ZFHX3: variants seen among roughly 807,000 people sequenced by gnomAD.
The protein encoded by ZFHX3 is zinc finger homeobox 3.
In ZFHX3, 42 loss-of-function variants were observed where a neutral mutation model predicts 279.1. That is an observed-to-expected ratio of 0.15 (90% CI 0.12 to 0.19). The LOEUF (loss-of-function observed/expected upper bound fraction) is 0.19, where lower values mean the gene tolerates loss of function less well. ZFHX3 is among the 10% of genes least tolerant of loss of function. The pLI is 1.00. For synonymous variants in ZFHX3, 2,293 were observed against 1,957.8 expected (o/e 1.17, Z -4.52); for missense variants, 4,981 against 4,754.0 (o/e 1.05, Z -1.40).
rs148941946 is a variant in ZFHX3, at chr16:73,472,690, A to G, written c.-1546-16432T>C. ...TGCTTGTCTTCAGCTGGGTTTGGCC[A>G]ATGGGAAGGCCCAGAAGGAGGTCAG... On this transcript the variant is annotated intron_variant, in intron 2 of 17. Coordinates refer to the ZFHX3 transcript ENST00000641206. 2.0e-4 allele frequency among the ~76,000 whole-genome samples: 31 copies of G among 152,288 alleles called. No individual in the cohort carries two copies. In the East Asian group the frequency reaches 5.8e-3, roughly 28 times the overall value.
At chr16:73,782,826 T>A (rs147718455) in intron 1 of ZFHX3, among the ~76,000 whole-genome samples, 2,366 of 151,920 alleles carry the variant, frequency 0.016, 48 homozygotes, top group African/African-American at 0.054. Context: ...CAGACCCTTA[T>A]CCAACACTGA....
chr16:73,444,341 A>G (rs928020289), intron 3 of ZFHX3, among the ~76,000 whole-genome samples: 5 of 152,184 alleles, frequency 3.3e-5, no homozygotes, highest in Admixed American at 6.5e-5. Flanking sequence ...ACTGTGCAAA[A>G]CAGCTGATCA....
At chr16:73,526,559 G>T (rs772476002) in intron 2 of ZFHX3, among the ~76,000 whole-genome samples, 19 of 152,190 alleles carry the variant, frequency 1.2e-4, no homozygotes, top group African/African-American at 4.6e-4. Context: ...CTGGCCTCCA[G>T]TTTTGACACT....
rs55806545 is a variant in ZFHX3, at chr16:73,807,620, ATTTTTTTTTTTTTTT to A, written c.-1608+84016_-1608+84030del. On this transcript the variant is annotated intron_variant, in intron 1 of 17. Transcript: ENST00000641206. The stretch of plus-strand genomic sequence containing the variant: ...TACAGGCACATTCCACCATGCCCCA[ATTTTTTTTTTTTTTT>A]TTTTTTTTTTTTTTTGGTAGAGGCA... Among the ~76,000 whole-genome samples, 4 of 70,582 alleles carry A rather than the reference ATTTTTTTTTTTTTTT, an allele frequency of 5.7e-5. No individual in the cohort carries two copies. In the East Asian group the frequency reaches 1.5e-3, roughly 26 times the overall value. 46.3% of individuals were successfully genotyped at this position (70,582 alleles called of 152,430 possible). A position where few individuals can be genotyped will look rare whatever the true frequency, so the allele number is the denominator to read the frequency against.
At chr16:73,010,038 A>AAAAAAAAAAC (rs1344304633) in intron 1 of ZFHX3, among the ~76,000 whole-genome samples, 15 of 151,236 alleles carry the variant, frequency 9.9e-5, no homozygotes, top group South Asian at 2.1e-4. Context: ...AAAAAAAAAA[A>AAAAAAAAAAC]AAAAACTCAT....
chr16:72,930,860 T>C (rs1462656749), intron 3 of ZFHX3, among the ~76,000 whole-genome samples: 1 of 152,196 alleles, frequency 6.6e-6, no homozygotes, highest in African/African-American at 2.4e-5. Flanking sequence ...TAAAATGTGG[T>C]ACAAGGTGCC....
At position 73,851,706 on chromosome 16, in the gene ZFHX3, C is replaced by T. The variant is rs572226702; in HGVS notation, c.-1608+39945G>A. On this transcript the variant is annotated intron_variant, in intron 1 of 17. Coordinates refer to the ZFHX3 transcript ENST00000641206. The stretch of plus-strand genomic sequence containing the variant: ...CCTACTGAAATCTTCTAATAACGAA[C>T]CAATACTATTGTATCAAACATACAT... 1.8e-3 allele frequency among the ~76,000 whole-genome samples: 278 copies of T among 152,262 alleles called. 1 individual carries two copies. The highest frequency in any genetic ancestry group is 3.2e-3 in the Non-Finnish European group (219 of 68,028).
chr16:72,978,046 G>A (rs1962428244), intron 1 of ZFHX3, among the ~76,000 whole-genome samples: 1 of 152,076 alleles, frequency 6.6e-6, no homozygotes, highest in Non-Finnish European at 1.5e-5. Flanking sequence ...TGTATTTTTA[G>A]TAGAAACGGG....
At chr16:72,928,257 G>A (rs1374498751) in intron 3 of ZFHX3, among the ~76,000 whole-genome samples, 2 of 100,854 alleles carry the variant, frequency 2.0e-5, no homozygotes, top group Non-Finnish European at 4.5e-5. Flanking sequence ...TTAAGGGGAA[G>A]ATGGAAAGAG....
Position 72,798,598 on chromosome 16 carries a change from A to G in ZFHX3, c.4084T>C (p.Cys1362Arg), listed in dbSNP as rs200186770. ...ACCTGGTTGCACCCCTTCTTCCAGC[A>G]GATGAAGCCTGAGTCTTCTCTCACA... Reference protein sequence around the residue: ...GSVREDSGFICWKKGCNQVFK... With the variant: ...GSVREDSGFIRWKKGCNQVFK... Residue 1362 changes from cysteine (C) to arginine (R), a missense_variant, in exon 9 of 10, where the codon TGC becomes CGC. Cys to Arg is a radical substitution (Grantham distance 180). This residue lies in a region of ZFHX3 where 1,751 missense variants were observed against 1,770.0 expected (regional missense o/e 0.99). Coordinates refer to ENST00000268489, the MANE Select transcript of ZFHX3 (RefSeq NM_006885.4). The G allele has an allele frequency of 1.9e-6, 3 of 1,614,222 alleles. No individual in the cohort carries two copies. The highest frequency in any genetic ancestry group is 1.6e-4 in the Middle Eastern group (1 of 6,062).
intron 2 of ZFHX3, among the ~76,000 whole-genome samples, chr16:73,500,680 GT>G (rs2019221254): frequency 1.3e-5 from 1 of 75,794 alleles, no homozygotes; most frequent in Non-Finnish European, 2.6e-5. Flanking sequence ...AAAAAAAAGA[GT>G]TTTAAAATAC....
At chr16:73,758,919 C>G (rs1242563303) in intron 1 of ZFHX3, among the ~76,000 whole-genome samples, 1 of 152,172 alleles carries the variant, frequency 6.6e-6, no homozygotes, top group African/African-American at 2.4e-5. Flanking sequence ...ACTATTATCC[C>G]CATTTTACAA....
In ZFHX3 at chr16:73,793,651, T is replaced by TA. The variant is rs528360472; in HGVS notation, c.-1608+97999dup. Among the ~76,000 whole-genome samples, 60 of 152,336 alleles carry TA rather than the reference T, an allele frequency of 3.9e-4. 1 individual carries two copies. The East Asian group carries it at 4.6e-3, about 12-fold the overall frequency. ...GAGATCTCATTCAAGTGGCTTTCTT[T>TA]AAAAAAATTTCATCAAGTCTTGCCC... On this transcript the variant is annotated intron_variant, in intron 1 of 17. Transcript: ENST00000641206.
In ZFHX3 at chr16:72,800,102, T is replaced by G. The variant is rs757638388; in HGVS notation, c.3892A>C (p.Ser1298Arg). The G allele has an allele frequency of 3.2e-5, 52 of 1,614,064 alleles. No individual in the cohort carries two copies. In the South Asian group the frequency reaches 4.8e-4, roughly 15 times the overall value. The change falls in exon 8 of 10, where the codon AGC becomes CGC. Residue 1298 changes from serine (S) to arginine (R), a missense_variant. By Grantham distance (110) the Ser-to-Arg change is moderately radical (BLOSUM62 -1). Around this residue, in one of 7 missense-constraint regions of ZFHX3, gnomAD observed 1,751 missense variants for 1,770.0 expected, o/e 0.99. Transcript: ENST00000268489. ...TVTTPEMVMPSSMFLPAAVPD... is the reference protein window; with the variant it reads ...TVTTPEMVMPRSMFLPAAVPD... ...ACAGCTGCTGGGAGGAACATGCTGC[T>G]TGGCATCACCATCTCAGGGGTGGTC...
chr16:73,105,530 T>C (rs1427657099), intron 7 of ZFHX3, among the ~76,000 whole-genome samples: 1 of 151,214 alleles, frequency 6.6e-6, no homozygotes, highest in Non-Finnish European at 1.5e-5. Context: ...GACGGGCGGA[T>C]CACTTGAGGT....
At chr16:72,946,654 G>C (rs1446795527) in intron 3 of ZFHX3, among the ~76,000 whole-genome samples, 1 of 152,190 alleles carries the variant, frequency 6.6e-6, no homozygotes, top group Non-Finnish European at 1.5e-5. Flanking sequence ...AGATAAACGT[G>C]GAAGAGCTGG....
chr16:73,244,652 C>T (rs1242504421), intron 5 of ZFHX3, among the ~76,000 whole-genome samples: 3 of 152,180 alleles, frequency 2.0e-5, no homozygotes, highest in East Asian at 1.9e-4. Flanking sequence ...CCATGTCCAG[C>T]GGGATCCCTT....
chr16:73,389,452 T>C lies in ZFHX3; in HGVS notation c.-1291+66551A>G, dbSNP rs75002660. On this transcript the variant is annotated intron_variant, in intron 3 of 17. Transcript: ENST00000641206. Reference sequence around the variant, plus strand: ...AAATTGTCAAAAGGTCTTTCTCTTATCTTAAAAGTGATTCATAAACCTGTA... The same window carrying C: ...AAATTGTCAAAAGGTCTTTCTCTTACCTTAAAAGTGATTCATAAACCTGTA... Among the ~76,000 whole-genome samples the C allele has an allele frequency of 8.0e-3, 1,226 of 152,354 alleles. 21 individuals carry two copies. The highest frequency in any genetic ancestry group is 0.027 in the African/African-American group (1,115 of 41,582).
chr16:73,168,211 T>TTTTTTCTTTCTTTC (rs71391499), intron 5 of ZFHX3, among the ~76,000 whole-genome samples: 4 of 95,222 alleles, frequency 4.2e-5, no homozygotes, highest in Non-Finnish European at 8.4e-5. Flanking sequence ...GTTTCTTTTG[T>TTTTTTCTTTCTTTC]TTTCTTTCTT....
Sources: allele counts gnomAD v4.1 joint callset (sites outside exome capture counted in the v4.1 genomes callset), GRCh38; gene constraint gnomAD v4.1.1; regional missense constraint gnomAD v4.1.1; transcripts MANE v1.5; gene names NCBI Gene and HGNC (gene_info 2026-07-23, HGNC 2026-07-21).